HHIP: variants seen among roughly 807,000 people sequenced by gnomAD.
The protein encoded by HHIP is hedgehog interacting protein, also known as hedgehog-interacting protein.
In HHIP, 12 loss-of-function variants were observed where a neutral mutation model predicts 74.0. The observed-to-expected ratio is 0.16, with a 90% CI of 0.10 to 0.26. HHIP has a LOEUF of 0.26. Among genes scored for constraint, HHIP ranks in the 10% least tolerant of loss-of-function variants. HHIP has a pLI of 1.00. For synonymous variants in HHIP, 309 were observed against 311.6 expected (o/e 0.99, Z 0.09); for missense variants, 788 against 845.0 (o/e 0.93, Z 0.84).
At position 144,739,917 on chromosome 4, in the gene HHIP, A is replaced by G. The variant is rs751511896; in HGVS notation, c.*1960A>G. ...TAGCCTGCATCTGTAGGTTAATAGC[A>G]ATCTTTTGTCTCCATTGCTTTCTCT... On this transcript the variant is annotated 3_prime_UTR_variant, in exon 13 of 13. Coordinates refer to ENST00000296575, the MANE Select transcript of HHIP (RefSeq NM_022475.3). The G allele has an allele frequency of 1.3e-4, 20 of 152,166 alleles. No individual in the cohort carries two copies. Among genetic ancestry groups the G allele is most frequent in the Non-Finnish European group, 2.5e-4 (17 of 68,022 alleles). 9.4% of individuals were successfully genotyped at this position (152,166 alleles called of 1,614,324 possible).
At chr4:144,656,840 T>C (rs1381453203) in intron 2 of HHIP, among the ~76,000 whole-genome samples, 3 of 152,158 alleles carry the variant, frequency 2.0e-5, no homozygotes, top group Non-Finnish European at 4.4e-5. Context: ...TGTTTAACAC[T>C]ATTAGGCAGT....
intron 4 of HHIP, among the ~76,000 whole-genome samples, chr4:144,705,809 T>C (rs145488082): frequency 2.4e-4 from 37 of 152,328 alleles, no homozygotes; most frequent in Admixed American, 5.9e-4. Flanking sequence ...TTGCTTTAAT[T>C]TCCTAGTGTC....
intron 11 of HHIP, among the ~76,000 whole-genome samples, chr4:144,730,198 T>C (rs2126685143): frequency 6.6e-6 from 1 of 152,030 alleles, no homozygotes; most frequent in Non-Finnish European, 1.5e-5. Context: ...TATCCAAATC[T>C]TTATACTACT....
At chr4:144,708,503 A>G (rs1245535934) in intron 7 of HHIP, among the ~76,000 whole-genome samples, 192 bp downstream of exon 7, 1 of 152,242 alleles carries the variant, frequency 6.6e-6, no homozygotes, top group Non-Finnish European at 1.5e-5. Context: ...TGTGAGAAGC[A>G]GATTGAGAAG....
rs1414206251 is a variant in HHIP, at chr4:144,718,754, G to A, written c.1679-121G>A. ...ATGTGAGACTCTTGCATAATCTTTA[G>A]GCAAGTGATTTTCTTGTGGATAGAT... On this transcript the variant is annotated intron_variant, in intron 10 of 12. Coordinates refer to ENST00000296575, the MANE Select transcript of HHIP (RefSeq NM_022475.3). 5.7e-6 allele frequency: 4 copies of A among 699,852 alleles called. No homozygotes were observed. The East Asian group carries it at 1.1e-4, about 19-fold the overall frequency. 43.4% of individuals were successfully genotyped at this position (699,852 alleles called of 1,614,324 possible).
At chr4:144,690,329 G>T (rs943149533) in intron 4 of HHIP, among the ~76,000 whole-genome samples, 3 of 152,150 alleles carry the variant, frequency 2.0e-5, no homozygotes, top group African/African-American at 7.2e-5. Context: ...AGGGAGACTG[G>T]TAGGTATAAT....
intron 6 of HHIP, 139 bp downstream of exon 6, chr4:144,707,399 T>A: frequency 1.5e-6 from 1 of 653,058 alleles, no homozygotes; most frequent in Admixed American, 3.2e-5. Context: ...CATCAGTGTC[T>A]GCATTTATGA....
At chr4:144,691,594 T>G (rs1729670875) in intron 4 of HHIP, among the ~76,000 whole-genome samples, 1 of 152,186 alleles carries the variant, frequency 6.6e-6, no homozygotes, top group Non-Finnish European at 1.5e-5. Context: ...TCACATATAG[T>G]ACATATAAAT....
chr4:144,693,388 A>C (rs1729726408), intron 4 of HHIP, among the ~76,000 whole-genome samples: 1 of 152,138 alleles, frequency 6.6e-6, no homozygotes, highest in South Asian at 2.1e-4. Context: ...CCTTTGATCC[A>C]AAATTGTATT....
In HHIP at chr4:144,744,869, A is replaced by T. The variant is rs190198894; in HGVS notation, c.*6912A>T. The T allele has an allele frequency of 2.2e-4, 33 of 152,312 alleles. No homozygotes were observed. The highest frequency in any genetic ancestry group is 7.9e-4 in the African/African-American group (33 of 41,566). 9.4% of individuals were successfully genotyped at this position (152,312 alleles called of 1,614,324 possible). On this transcript the variant is annotated 3_prime_UTR_variant, in exon 13 of 13. Coordinates refer to ENST00000296575, the MANE Select transcript of HHIP (RefSeq NM_022475.3). Reference sequence around the variant, plus strand: ...CGGCACCAGTTCAGCTCAACTTTAGAATTCAGCAGTAACAGTACAGATGGC... The same window carrying T: ...CGGCACCAGTTCAGCTCAACTTTAGTATTCAGCAGTAACAGTACAGATGGC...
At chr4:144,734,966 G>T in intron 12 of HHIP, 77 bp downstream of exon 12, 2 of 1,360,750 alleles carry the variant, frequency 1.5e-6, no homozygotes, top group Non-Finnish European at 2.0e-6. Context: ...AACATTGATT[G>T]TTTCTTCTAC....
intron 11 of HHIP, among the ~76,000 whole-genome samples, chr4:144,729,340 G>T (rs936026581): frequency 6.6e-6 from 1 of 152,124 alleles, no homozygotes; most frequent in African/African-American, 2.4e-5. Flanking sequence ...TGTGGCATTC[G>T]AAGACTGCCT....
intron 11 of HHIP, among the ~76,000 whole-genome samples, chr4:144,726,892 T>A (rs762966438): frequency 6.6e-6 from 1 of 152,168 alleles, no homozygotes; most frequent in Non-Finnish European, 1.5e-5. Flanking sequence ...ACTTCCATCA[T>A]TATTTTGTTT....
At chr4:144,711,865 G>C in intron 7 of HHIP, 85 bp from the exon 8 acceptor site, 4 of 1,366,502 alleles carry the variant, frequency 2.9e-6, no homozygotes, top group Non-Finnish European at 4.0e-6. Context: ...GTCCACAAAG[G>C]GCTCCTTCCT....
chr4:144,664,508 A>C (rs190427093), intron 4 of HHIP, among the ~76,000 whole-genome samples: 3 of 152,324 alleles, frequency 2.0e-5, no homozygotes, highest in East Asian at 1.9e-4. Context: ...TTTGACTTGC[A>C]ATCTTAAGGC....
intron 11 of HHIP, among the ~76,000 whole-genome samples, chr4:144,730,891 A>G (rs940888891): frequency 3.9e-5 from 6 of 152,170 alleles, no homozygotes; most frequent in Admixed American, 6.6e-5. Context: ...GTTACCAAAT[A>G]TTAGAAAAAT....
intron 4 of HHIP, among the ~76,000 whole-genome samples, chr4:144,702,348 C>A (rs1254219222): frequency 6.6e-6 from 1 of 152,134 alleles, no homozygotes; most frequent in East Asian, 1.9e-4. Context: ...AGTATCAGTA[C>A]TCTTCATTTT....
At chr4:144,697,223 T>G (rs1266760518) in intron 4 of HHIP, among the ~76,000 whole-genome samples, 2 of 152,190 alleles carry the variant, frequency 1.3e-5, no homozygotes, top group East Asian at 3.9e-4. Context: ...ATAAAAGCTT[T>G]GCTTTCTCCA....
In HHIP at chr4:144,743,716, T is replaced by C. The variant is rs1022453306; in HGVS notation, c.*5759T>C. On this transcript the variant is annotated 3_prime_UTR_variant, in exon 13 of 13. Transcript: ENST00000296575. ...AATCTTCTAAGTCAAAAAGAAAACA[T>C]TTAAGTACATAATATAAAAAGAACT... 3 of 152,078 alleles carry C rather than the reference T, an allele frequency of 2.0e-5. No individual in the cohort carries two copies. Among genetic ancestry groups the C allele is most frequent in the African/African-American group, 7.2e-5 (3 of 41,442 alleles). The allele number at this position is 152,078 out of a possible 1,614,324, so 9.4% of individuals were successfully genotyped here. A position where few individuals can be genotyped will look rare whatever the true frequency, so the allele number is the denominator to read the frequency against.
Sources: gnomAD v4.1 joint callset for allele counts (sites outside exome capture counted in the v4.1 genomes callset) on GRCh38, gnomAD v4.1.1 for gene constraint, MANE v1.5 for transcripts, NCBI Gene and HGNC (gene_info 2026-07-23, HGNC 2026-07-21) for gene names.